Variants in DMRT1 observed in about 807,000 individuals in gnomAD.
The protein encoded by DMRT1 is doublesex- and mab-3-related transcription factor 1.
Under a neutral mutation model 32.3 loss-of-function variants are expected in DMRT1, and 7 were observed. The observed-to-expected ratio is 0.22, with a 90% CI of 0.12 to 0.41. DMRT1 has a LOEUF of 0.41. Ranked by LOEUF, DMRT1 falls within the 10% of genes least tolerant of loss-of-function variation. The pLI, the probability that DMRT1 is intolerant of heterozygous loss-of-function variation, is 1.00. For missense variants in DMRT1, 625 were observed against 500.5 expected (o/e 1.25, Z -2.37); for synonymous variants, 278 against 206.1 (o/e 1.35, Z -2.99).
At chr9:885,221 C>T (rs1024731053) in intron 2 of DMRT1, among the ~76,000 whole-genome samples, 1 of 152,082 alleles carries the variant, frequency 6.6e-6, no homozygotes, top group African/African-American at 2.4e-5. Flanking sequence ...TTACAGGGTG[C>T]CTTTTAGTTT....
At chr9:961,299 GC>G (rs1819764623) in intron 4 of DMRT1, among the ~76,000 whole-genome samples, 1 of 152,134 alleles carries the variant, frequency 6.6e-6, no homozygotes. Context: ...TTGTGACAGG[GC>G]TCCAGGAACC....
At chr9:922,870 C>T (rs993070092) in intron 4 of DMRT1, among the ~76,000 whole-genome samples, 2 of 148,578 alleles carry the variant, frequency 1.3e-5, no homozygotes, top group African/African-American at 5.2e-5. Flanking sequence ...AAGCGAGTTG[C>T]AGAGCATCTA....
chr9:934,252 C>T (rs1818816210), intron 4 of DMRT1, among the ~76,000 whole-genome samples: 1 of 149,632 alleles, frequency 6.7e-6, no homozygotes, highest in South Asian at 2.1e-4. Context: ...TCGTGAGTGG[C>T]CTCTTCACTC....
At chr9:850,161 G>C (rs115498807) in intron 2 of DMRT1, among the ~76,000 whole-genome samples, 2,176 of 152,304 alleles carry the variant, frequency 0.014, 52 homozygotes, top group African/African-American at 0.05. Flanking sequence ...TGTGGGGCAG[G>C]AGCCACAGGT....
intron 4 of DMRT1, among the ~76,000 whole-genome samples, chr9:962,599 T>C (rs1252668274): frequency 6.6e-6 from 1 of 151,584 alleles, no homozygotes; most frequent in Non-Finnish European, 1.5e-5. Context: ...GCTGCCATGC[T>C]GTGGTCCAGG....
At chr9:855,369 A>C (rs1190883906) in intron 2 of DMRT1, among the ~76,000 whole-genome samples, 2 of 152,242 alleles carry the variant, frequency 1.3e-5, no homozygotes, top group Non-Finnish European at 2.9e-5. Context: ...ATTGGTTTAC[A>C]TCTGTGTCTC....
At chr9:853,130 G>C (rs1174886968) in intron 2 of DMRT1, among the ~76,000 whole-genome samples, 1 of 152,094 alleles carries the variant, frequency 6.6e-6, no homozygotes, top group Non-Finnish European at 1.5e-5. Context: ...TTGAGAGGAA[G>C]GTACGGAGAT....
intron 2 of DMRT1, among the ~76,000 whole-genome samples, chr9:881,381 G>C (rs1816731152): frequency 6.6e-6 from 1 of 152,184 alleles, no homozygotes; most frequent in African/African-American, 2.4e-5. Context: ...CATTTATGTA[G>C]AGGTCCACTT....
intron 2 of DMRT1, among the ~76,000 whole-genome samples, chr9:879,386 TA>T (rs965159133): frequency 1.4e-4 from 21 of 151,406 alleles, no homozygotes; most frequent in Non-Finnish European, 2.2e-4. Flanking sequence ...TTTTGCAAAT[TA>T]AAAAAAAACA....
chr9:884,368 CA>C (rs5895870), intron 2 of DMRT1, among the ~76,000 whole-genome samples: 11,781 of 138,122 alleles, frequency 0.085, 685 homozygotes, highest in African/African-American at 0.19. Context: ...CATGTTAGTG[CA>C]AAAAAAAAAA....
chr9:875,678 A>G (rs1816469688), intron 2 of DMRT1, among the ~76,000 whole-genome samples: 2 of 152,184 alleles, frequency 1.3e-5, no homozygotes. Context: ...ATTTTAGCTA[A>G]CAAGCCCAGC....
chr9:863,795 C>A (rs1029851706), intron 2 of DMRT1, among the ~76,000 whole-genome samples: 4 of 152,172 alleles, frequency 2.6e-5, no homozygotes, highest in African/African-American at 9.7e-5. Flanking sequence ...CTAGATTTCC[C>A]TTGTTAGTGG....
At chr9:919,425 A>AG (rs147912794) in intron 4 of DMRT1, among the ~76,000 whole-genome samples, 1 of 52,480 alleles carries the variant, frequency 1.9e-5, no homozygotes, top group African/African-American at 6.7e-5. Flanking sequence ...GGGCGGGGGG[A>AG]GGGGGGCATT....
At chr9:890,145 G>A (rs1310794878) in intron 2 of DMRT1, among the ~76,000 whole-genome samples, 1 of 134,436 alleles carries the variant, frequency 7.4e-6, no homozygotes, top group East Asian at 2.2e-4. Context: ...CTGGAGTGCA[G>A]TGGCGTGATC....
At chr9:906,840 T>A (rs1332658820) in intron 3 of DMRT1, among the ~76,000 whole-genome samples, 4 of 152,208 alleles carry the variant, frequency 2.6e-5, no homozygotes, top group African/African-American at 9.6e-5. Flanking sequence ...TAGAGAGAAA[T>A]CTCAGAAGCG....
chr9:895,632 C>T (rs935526187), intron 3 of DMRT1, among the ~76,000 whole-genome samples: 3 of 152,028 alleles, frequency 2.0e-5, no homozygotes, highest in African/African-American at 7.3e-5. Flanking sequence ...CACAATTAAG[C>T]TAATTAACAA....
chr9:917,038 A>G, intron 4 of DMRT1, 131 bp downstream of exon 4: 6 of 989,904 alleles, frequency 6.1e-6, no homozygotes, highest in Middle Eastern at 3.0e-4. Flanking sequence ...TGAAGCTTGG[A>G]TAAGTATCCT....
In DMRT1 at chr9:967,936, ATTACTCCC is replaced by A. The variant is rs1564282175; in HGVS notation, c.968-46_968-39del. 4.4e-6 allele frequency: 6 copies of A among 1,359,262 alleles called. No homozygotes were observed. In the South Asian group the frequency reaches 8.0e-5, roughly 18 times the overall value. The allele number at this position is 1,359,262 out of a possible 1,614,324, so 84.2% of individuals were successfully genotyped here. A position where few individuals can be genotyped will look rare whatever the true frequency, so the allele number is the denominator to read the frequency against. On this transcript the variant is annotated intron_variant, in intron 4 of 4. Coordinates refer to ENST00000382276, the MANE Select transcript of DMRT1 (RefSeq NM_021951.3). ...TGTATAAAGACCAGCCACTTTTAACATTACTCCCTTTCTCCCTTTCTCTCTTTCTCTCT... is the reference window on the plus strand; with the variant it reads ...TGTATAAAGACCAGCCACTTTTAACATTTCTCCCTTTCTCTCTTTCTCTCT...
intron 4 of DMRT1, among the ~76,000 whole-genome samples, chr9:944,283 C>T (rs1038532528): frequency 6.6e-6 from 1 of 152,164 alleles, no homozygotes; most frequent in Non-Finnish European, 1.5e-5. Flanking sequence ...TGATTTTGAA[C>T]CTGCCACAGT....
Sources: gnomAD v4.1 joint callset for allele counts (sites outside exome capture counted in the v4.1 genomes callset) on GRCh38, gnomAD v4.1.1 for gene constraint, MANE v1.5 for transcripts, NCBI Gene and HGNC (gene_info 2026-07-23, HGNC 2026-07-21) for gene names.